GLIS3: variants seen among roughly 807,000 people sequenced by gnomAD.
GLIS3 encodes zinc finger protein GLIS3.
In GLIS3, 53 loss-of-function variants were observed where a neutral mutation model predicts 78.6. The ratio of observed to expected loss-of-function variants is 0.67; its 90% CI spans 0.54 to 0.85. GLIS3 has a LOEUF of 0.85. GLIS3 is among the 40% of genes least tolerant of loss of function. The pLI is 0.00. For missense variants in GLIS3, 1,703 were observed against 1,231.1 expected, an observed-to-expected ratio of 1.38 and a Z score of -5.74; for synonymous variants, 684 against 509.9, an observed-to-expected ratio of 1.34 and a Z score of -4.60.
At chr9:4,434,815 T>C in the GLIS3 span, among the ~76,000 whole-genome samples, 1 of 152,230 alleles carries the variant, frequency 6.6e-6, no homozygotes, top group Non-Finnish European at 1.5e-5. Context: ...GGTTTCATTC[T>C]AATGCCCATT....
At chr9:3,986,866 G>A (rs908000304) in intron 4 of GLIS3, among the ~76,000 whole-genome samples, 3 of 152,212 alleles carry the variant, frequency 2.0e-5, no homozygotes, top group Admixed American at 2.0e-4. Flanking sequence ...TAAAAGTTTG[G>A]AATGCAACCC....
At position 3,827,908 on chromosome 9, in the gene GLIS3, A is replaced by G; in HGVS notation, c.*364T>C. ...AATTGAGGTCTTTTTCCCTGTTTGG[A>G]GTTTTCAGGTAGAGTCATCCCCAAA... On this transcript the variant is annotated 3_prime_UTR_variant, in exon 11 of 11. Transcript: ENST00000381971. 3.1e-6 allele frequency: 1 copy of G among 324,978 alleles called. No individual in the cohort carries two copies. The highest frequency in any genetic ancestry group is 6.0e-6 in the Non-Finnish European group (1 of 167,090). The allele number at this position is 324,978 out of a possible 1,614,324, so 20.1% of individuals were successfully genotyped here. A position where few individuals can be genotyped will look rare whatever the true frequency, so the allele number is the denominator to read the frequency against.
At chr9:4,108,668 ACAGGCCCAATACC>A (rs1201548451) in intron 4 of GLIS3, among the ~76,000 whole-genome samples, 5 of 152,208 alleles carry the variant, frequency 3.3e-5, no homozygotes, top group African/African-American at 1.2e-4. Flanking sequence ...AACACAAGCA[ACAGGCCCAATACC>A]CAGGCCCCTA....
intron 4 of GLIS3, among the ~76,000 whole-genome samples, chr9:3,967,131 C>T (rs1037355249): frequency 2.0e-5 from 3 of 149,188 alleles, no homozygotes; most frequent in African/African-American, 4.9e-5. Flanking sequence ...GTAAGGATCT[C>T]TATCTGCCAT....
intron 2 of GLIS3, among the ~76,000 whole-genome samples, chr9:4,254,696 C>T (rs1424260595): frequency 2.0e-5 from 3 of 151,864 alleles, no homozygotes; most frequent in Non-Finnish European, 2.9e-5. Flanking sequence ...AAAAATTAGC[C>T]GGGCATGGTG....
intron 2 of GLIS3, among the ~76,000 whole-genome samples, chr9:4,329,620 G>A (rs535672000): frequency 6.6e-6 from 1 of 151,996 alleles, no homozygotes; most frequent in Non-Finnish European, 1.5e-5. Context: ...TATCTCTACA[G>A]GGTTCTATAG....
intron 3 of GLIS3, among the ~76,000 whole-genome samples, chr9:4,125,477 A>C (rs940218992): frequency 6.6e-6 from 1 of 152,120 alleles, no homozygotes; most frequent in Admixed American, 6.5e-5. Flanking sequence ...GAGGCCCCAC[A>C]ATCTCAAATT....
intron 2 of GLIS3, among the ~76,000 whole-genome samples, chr9:4,243,202 G>T (rs1042300751): frequency 2.6e-5 from 4 of 152,174 alleles, no homozygotes; most frequent in African/African-American, 9.7e-5. Context: ...AGGGAGCTTA[G>T]CAAGCTCATA....
At chr9:3,904,469 C>G (rs760592776) in intron 6 of GLIS3, among the ~76,000 whole-genome samples, 7 of 152,174 alleles carry the variant, frequency 4.6e-5, no homozygotes, top group Non-Finnish European at 1.0e-4. Flanking sequence ...TATCTCTCTC[C>G]ACACTCCTAC....
chr9:3,953,795 C>CTATATATATATATATATA (rs57500093), intron 4 of GLIS3, among the ~76,000 whole-genome samples: 2 of 73,316 alleles, frequency 2.7e-5, no homozygotes, highest in African/African-American at 1.1e-4. Flanking sequence ...CTCTCTCTCT[C>CTATATATATATATATATA]TATATATATA....
chr9:4,270,364 T>A (rs1826391952), intron 2 of GLIS3, among the ~76,000 whole-genome samples: 1 of 152,212 alleles, frequency 6.6e-6, no homozygotes, highest in Non-Finnish European at 1.5e-5. Context: ...CTTAAAACAA[T>A]ACACATTTAT....
the GLIS3 span, among the ~76,000 whole-genome samples, chr9:4,487,677 T>C: frequency 6.8e-6 from 1 of 147,012 alleles, no homozygotes; most frequent in Non-Finnish European, 1.5e-5. Flanking sequence ...TGGGTATGCT[T>C]ATGGTCAACA....
intron 4 of GLIS3, among the ~76,000 whole-genome samples, chr9:4,043,026 G>C (rs139482104): frequency 5.9e-4 from 90 of 151,648 alleles, no homozygotes; most frequent in African/African-American, 2.0e-3. Flanking sequence ...CAAAAGAAAT[G>C]GCTATTCTTC....
At chr9:4,081,468 CAT>C (rs2130700755) in intron 4 of GLIS3, 1 of 152,332 alleles carries the variant, frequency 6.6e-6, no homozygotes, top group South Asian at 2.1e-4. Flanking sequence ...TCAGTCCTCT[CAT>C]GAGGAATCCT....
intron 4 of GLIS3, among the ~76,000 whole-genome samples, chr9:4,105,190 C>G (rs1285086653): frequency 6.6e-6 from 1 of 152,114 alleles, no homozygotes; most frequent in Non-Finnish European, 1.5e-5. Flanking sequence ...AGAAACAAAA[C>G]AAAGTGATTT....
intron 2 of GLIS3, among the ~76,000 whole-genome samples, chr9:4,336,119 G>A (rs1817752564): frequency 6.6e-6 from 1 of 152,158 alleles, no homozygotes; most frequent in Non-Finnish European, 1.5e-5. Flanking sequence ...TATTAAAGTA[G>A]GGTCACAATA....
chr9:3,852,445 A>G (rs375186786), intron 9 of GLIS3, among the ~76,000 whole-genome samples: 58 of 152,300 alleles, frequency 3.8e-4, no homozygotes, highest in East Asian at 1.4e-3. Flanking sequence ...ATCAAGTTTT[A>G]TTAGGTGACG....
At position 4,096,267 on chromosome 9, in the gene GLIS3, A is replaced by G. The variant is rs114129364; in HGVS notation, c.1710+21501T>C. On this transcript the variant is annotated intron_variant, in intron 4 of 10. Transcript: ENST00000381971. ...GCGGTTAATTAACTCTGTTTAGACT[A>G]AGGTAAATTTGGGTGTTTGGTTCTT... Among the ~76,000 whole-genome samples, 1,339 of 152,310 alleles carry G rather than the reference A, an allele frequency of 8.8e-3. 16 individuals are homozygous for G. The highest frequency in any genetic ancestry group is 0.031 in the African/African-American group (1,283 of 41,554).
intron 6 of GLIS3, among the ~76,000 whole-genome samples, chr9:3,916,315 GTCT>G (rs1824508406): frequency 6.6e-6 from 1 of 152,164 alleles, no homozygotes; most frequent in African/African-American, 2.4e-5. Context: ...GACACCCCAA[GTCT>G]TCTACCTCCC....
Sources: allele counts gnomAD v4.1 joint callset (sites outside exome capture counted in the v4.1 genomes callset), GRCh38; gene constraint gnomAD v4.1.1; transcripts MANE v1.5; gene names NCBI Gene and HGNC (gene_info 2026-07-23, HGNC 2026-07-21).